Variants in NCOA1 observed in about 807,000 individuals in gnomAD.
NCOA1 encodes nuclear receptor coactivator 1.
NCOA1 carries 35 observed loss-of-function variants against 150.9 expected under a neutral mutation model. That is an observed-to-expected ratio of 0.23 (90% CI 0.18 to 0.31). NCOA1 has a LOEUF of 0.31. NCOA1 is among the 10% of genes least tolerant of loss of function. The pLI is 1.00. For synonymous variants in NCOA1, 590 were observed against 630.0 expected (o/e 0.94, Z 0.95); for missense variants, 1,491 against 1,749.3 (o/e 0.85, Z 2.63).
intron 3 of NCOA1, among the ~76,000 whole-genome samples, chr2:24,604,815 C>T (rs1248196912): frequency 2.6e-5 from 4 of 152,196 alleles, no homozygotes; most frequent in African/African-American, 9.7e-5. Flanking sequence ...TTCTTTTGCA[C>T]TCACAACTTG....
intron 7 of NCOA1, among the ~76,000 whole-genome samples, chr2:24,680,431 T>A (rs989371695): frequency 6.6e-6 from 1 of 152,162 alleles, no homozygotes; most frequent in Admixed American, 6.5e-5. Context: ...TGCCACAATA[T>A]GTATGAACCT....
chr2:24,679,478 A>G (rs1044764954), intron 7 of NCOA1, among the ~76,000 whole-genome samples: 2 of 152,200 alleles, frequency 1.3e-5, no homozygotes, highest in African/African-American at 2.4e-5. Flanking sequence ...GTCTTCCACT[A>G]TCAACCTCAT....
chr2:24,728,164 A>T, intron 15 of NCOA1, 144 bp from the exon 16 acceptor site: 1 of 570,396 alleles, frequency 1.8e-6, no homozygotes, highest in South Asian at 2.9e-5. Flanking sequence ...CACATTAAAC[A>T]TAGAACATTC....
intron 3 of NCOA1, among the ~76,000 whole-genome samples, chr2:24,601,867 C>G (rs1471132167): frequency 1.3e-5 from 2 of 151,120 alleles, no homozygotes; most frequent in East Asian, 4.0e-4. Flanking sequence ...AACTCCTGAG[C>G]TCAGGCAGTC....
intron 1 of NCOA1, among the ~76,000 whole-genome samples, chr2:24,542,484 A>G (rs1665438004): frequency 6.6e-6 from 1 of 152,240 alleles, no homozygotes; most frequent in African/African-American, 2.4e-5. Flanking sequence ...ACTGGCATAA[A>G]TTATACACTT....
intron 3 of NCOA1, among the ~76,000 whole-genome samples, chr2:24,639,498 A>G (rs979854266): frequency 6.6e-6 from 1 of 151,970 alleles, no homozygotes; most frequent in African/African-American, 2.4e-5. Flanking sequence ...TTTTAGCTTT[A>G]GTTTTTTTCA....
intron 4 of NCOA1, among the ~76,000 whole-genome samples, chr2:24,653,920 T>A (rs1670813330): frequency 6.6e-6 from 1 of 152,230 alleles, no homozygotes; most frequent in Non-Finnish European, 1.5e-5. Flanking sequence ...CTCTCTTTTG[T>A]TTCTACTTTT....
intron 2 of NCOA1, among the ~76,000 whole-genome samples, chr2:24,575,185 T>C (rs1666904380): frequency 6.6e-6 from 1 of 152,178 alleles, no homozygotes; most frequent in South Asian, 2.1e-4. Context: ...TTTGTATTTT[T>C]CTCCTTTGTG....
intron 3 of NCOA1, among the ~76,000 whole-genome samples, chr2:24,590,301 C>T (rs1377387878): frequency 6.6e-6 from 1 of 152,144 alleles, no homozygotes; most frequent in Non-Finnish European, 1.5e-5. Context: ...AGCATATCTA[C>T]TCTCAGTACT....
At chr2:24,588,366 G>A (rs1667506016) in intron 3 of NCOA1, among the ~76,000 whole-genome samples, 1 of 152,152 alleles carries the variant, frequency 6.6e-6, no homozygotes, top group African/African-American at 2.4e-5. Flanking sequence ...GTGAGCTACT[G>A]TTCCTGGACT....
At chr2:24,630,166 T>C (rs1283385748) in intron 3 of NCOA1, among the ~76,000 whole-genome samples, 1 of 152,180 alleles carries the variant, frequency 6.6e-6, no homozygotes, top group Non-Finnish European at 1.5e-5. Flanking sequence ...ATGTTTACTC[T>C]CTGAACAATT....
chr2:24,722,281 C>T (rs1674392428), intron 14 of NCOA1, among the ~76,000 whole-genome samples: 1 of 152,192 alleles, frequency 6.6e-6, no homozygotes, highest in Admixed American at 6.5e-5. Flanking sequence ...TACCAGAGCA[C>T]ATCCAGGTAA....
At chr2:24,514,276 ACT>A (rs1380725739) in intron 1 of NCOA1, among the ~76,000 whole-genome samples, 1 of 126,446 alleles carries the variant, frequency 7.9e-6, no homozygotes, top group African/African-American at 3.0e-5. Flanking sequence ...ACAGAGTGAG[ACT>A]CTGTCTCAAA....
chr2:24,673,491 G>T, intron 7 of NCOA1, 28 bp downstream of exon 7: 1 of 1,484,686 alleles, frequency 6.7e-7, no homozygotes, highest in South Asian at 1.3e-5. Context: ...CTCAGAAAGT[G>T]ATTAAAATCT....
intron 13 of NCOA1, among the ~76,000 whole-genome samples, chr2:24,710,486 A>G: frequency 6.6e-6 from 1 of 152,208 alleles, no homozygotes; most frequent in Non-Finnish European, 1.5e-5. Context: ...ATTTATGAAA[A>G]AGTTTTCCAA....
intron 17 of NCOA1, among the ~76,000 whole-genome samples, chr2:24,730,288 C>T (rs1223190085): frequency 6.6e-6 from 1 of 152,162 alleles, no homozygotes; most frequent in African/African-American, 2.4e-5. Flanking sequence ...GGATAAGGGA[C>T]CTTTTCATTC....
intron 2 of NCOA1, among the ~76,000 whole-genome samples, chr2:24,569,229 A>G (rs1666636744): frequency 6.6e-6 from 1 of 152,218 alleles, no homozygotes; most frequent in Non-Finnish European, 1.5e-5. Context: ...ACAAAATAGC[A>G]GCAATAGTAT....
intron 1 of NCOA1, chr2:24,492,220 T>G (rs1439749542): frequency 6.6e-6 from 1 of 151,776 alleles, no homozygotes; most frequent in Non-Finnish European, 1.5e-5. Context: ...GACATGTTCC[T>G]GTCGCGGCCC....
chr2:24,610,824 G>T (rs1668590968), intron 3 of NCOA1, among the ~76,000 whole-genome samples: 1 of 148,980 alleles, frequency 6.7e-6, no homozygotes, highest in Non-Finnish European at 1.5e-5. Context: ...GTGTAACTGT[G>T]GAACTCTTTA....
Sources: allele counts gnomAD v4.1 joint callset (sites outside exome capture counted in the v4.1 genomes callset), GRCh38; gene constraint gnomAD v4.1.1; transcripts MANE v1.5; gene names NCBI Gene and HGNC (gene_info 2026-07-23, HGNC 2026-07-21).